The following TXNRD3 variants were observed in gnomAD, a reference collection of about 807,000 sequenced individuals.
TXNRD3 encodes thioredoxin reductase 3, also known as TXNRD3 neighbor gene protein.
Under a neutral mutation model 78.2 loss-of-function variants are expected in TXNRD3, and 68 were observed. The observed-to-expected ratio is 0.87, with a 90% CI of 0.72 to 1.06. The LOEUF (loss-of-function observed/expected upper bound fraction) is 1.06. Among genes scored for constraint, TXNRD3 ranks in the 50% least tolerant of loss-of-function variants. The probability of loss-of-function intolerance (pLI) is 0.00; values close to 1 mark genes in which losing one functional copy is unlikely to be tolerated. For missense variants in TXNRD3, 751 were observed against 809.5 expected, an observed-to-expected ratio of 0.93 and a Z score of 0.88; for synonymous variants, 296 against 300.1, an observed-to-expected ratio of 0.99 and a Z score of 0.14.
In TXNRD3 at chr3:126,644,307, G is replaced by GA. The variant is rs767985977; in HGVS notation, c.508dup (p.Ser170PhefsTer42). ...TTTCTATATTCATACCTTCGCACAT[G>GA]AAAGGCCTCCAGAACCACCACCGAT... On this transcript the variant is annotated frameshift_variant, in exon 4 of 16. Transcript: ENST00000524230. LOFTEE classifies it high-confidence loss of function. The GA allele has an allele frequency of 6.4e-5, 98 of 1,536,108 alleles. No individual in the cohort carries two copies. The highest frequency in any genetic ancestry group is 1.1e-5 in the Non-Finnish European group (13 of 1,146,858).
chr3:126,629,690 T>G (rs888290747), intron 9 of TXNRD3, among the ~76,000 whole-genome samples: 3 of 152,150 alleles, frequency 2.0e-5, no homozygotes, highest in African/African-American at 7.2e-5. Flanking sequence ...TAGTTGAGAT[T>G]GGAGGGAGCA....
intron 1 of TXNRD3, among the ~76,000 whole-genome samples, chr3:126,651,610 T>C (rs1298890808): frequency 6.6e-6 from 1 of 152,216 alleles, no homozygotes; most frequent in Non-Finnish European, 1.5e-5. Flanking sequence ...GATCTCTTGG[T>C]GTTTATGCAA....
intron 1 of TXNRD3, among the ~76,000 whole-genome samples, chr3:126,649,319 T>G (rs1177795129): frequency 1.3e-5 from 2 of 152,238 alleles, no homozygotes; most frequent in Non-Finnish European, 2.9e-5. Context: ...AGGATAAGCA[T>G]TATTTTTAAA....
chr3:126,654,657 G>C, intron 1 of TXNRD3, 91 bp downstream of exon 1: 1 of 823,134 alleles, frequency 1.2e-6, no homozygotes, highest in Non-Finnish European at 1.6e-6. Context: ...CGGGACCCGC[G>C]GGCGCCCCGG....
intron 6 of TXNRD3, among the ~76,000 whole-genome samples, chr3:126,640,710 T>C (rs1933055220): frequency 6.6e-6 from 1 of 152,164 alleles, no homozygotes; most frequent in African/African-American, 2.4e-5. Context: ...ATCTGGTCAA[T>C]TTTATGCCTT....
intron 1 of TXNRD3, among the ~76,000 whole-genome samples, chr3:126,648,978 G>A (rs186624605): frequency 1.3e-5 from 2 of 152,248 alleles, no homozygotes; most frequent in East Asian, 3.9e-4. Context: ...AATAGCCACG[G>A]CACTCCAGCC....
chr3:126,638,235 G>A (rs536312231), intron 6 of TXNRD3, among the ~76,000 whole-genome samples: 1 of 152,116 alleles, frequency 6.6e-6, no homozygotes, highest in African/African-American at 2.4e-5. Context: ...GAGCCACCAC[G>A]TCCAGCCTAG....
chr3:126,618,209 T>C (rs1409495566), intron 12 of TXNRD3, among the ~76,000 whole-genome samples: 2 of 152,160 alleles, frequency 1.3e-5, no homozygotes, highest in African/African-American at 4.8e-5. Flanking sequence ...TTCACAGTAG[T>C]AGAAAAAACA....
Position 126,608,516 on chromosome 3 carries a change from G to A in TXNRD3, c.1846C>T (p.His616Tyr). The A allele has an allele frequency of 6.5e-7, 1 of 1,534,764 alleles. No individual in the cohort carries two copies. Among genetic ancestry groups the A allele is most frequent in the Non-Finnish European group, 8.7e-7 (1 of 1,146,488 alleles). ...TTTCCTACCTCCCCACATGTGGGGT[G>A]AATTCCAATGGTGTCATCAAGTAGC... Residue 616 changes from histidine (H) to tyrosine (Y), a missense_variant, in exon 15 of 16, where the codon CAC (histidine) becomes TAC (tyrosine). Transcript: ENST00000524230.
rs1308241445 is a variant in TXNRD3, at chr3:126,608,577, T to A, written c.1785A>T (p.Gly595=). 1 of 1,536,028 alleles carries A rather than the reference T, an allele frequency of 6.5e-7. No homozygotes were observed. The highest frequency in any genetic ancestry group is 2.4e-5 in the East Asian group (1 of 40,892). The change falls in exon 15 of 16, where the codon GGA becomes GGT. Residue 595 remains glycine, a synonymous_variant. Coordinates refer to ENST00000524230, the MANE Select transcript of TXNRD3 (RefSeq NM_052883.3). ...GCCCACATTTCATTGCAGCTGCAAATCCTTGGGTAACCTCACCGGCGTTTG... is the reference window on the plus strand; with the variant it reads ...GCCCACATTTCATTGCAGCTGCAAAACCTTGGGTAACCTCACCGGCGTTTG...
At chr3:126,620,167 C>T (rs572567862) in intron 12 of TXNRD3, among the ~76,000 whole-genome samples, 2 of 151,926 alleles carry the variant, frequency 1.3e-5, no homozygotes, top group South Asian at 2.1e-4. Context: ...TGGTGGCAGG[C>T]GCCTGTAGTC....
intron 3 of TXNRD3, 150 bp downstream of exon 3, chr3:126,645,961 G>T (rs1576296660): frequency 1.7e-6 from 1 of 586,962 alleles, no homozygotes; most frequent in Non-Finnish European, 2.7e-6. Flanking sequence ...TTCCCTTAAA[G>T]CAATCAGTAT....
At chr3:126,620,315 A>AC (rs1938420644) in intron 12 of TXNRD3, among the ~76,000 whole-genome samples, 2 of 145,328 alleles carry the variant, frequency 1.4e-5, no homozygotes, top group African/African-American at 4.9e-5. Flanking sequence ...AAAAAAAAAA[A>AC]ATCACACACA....
chr3:126,654,746 A>C lies in TXNRD3; in HGVS notation c.243+2T>G. ...GGTGGAACCGGCGAGGGCCGCGCCT[A>C]CCCGAGTACTATGGGGACAGTAGCT... On this transcript the variant is annotated splice_donor_variant, in intron 1 of 15. Coordinates refer to ENST00000524230, the MANE Select transcript of TXNRD3 (RefSeq NM_052883.3). LOFTEE classifies it high-confidence loss of function. The C allele has an allele frequency of 2.2e-6, 3 of 1,344,156 alleles. No individual in the cohort carries two copies. The highest frequency in any genetic ancestry group is 2.9e-6 in the Non-Finnish European group (3 of 1,047,108). The allele number at this position is 1,344,156 out of a possible 1,614,324, so 83.3% of individuals were successfully genotyped here. A position where few individuals can be genotyped will look rare whatever the true frequency, so the allele number is the denominator to read the frequency against.
chr3:126,638,392 C>T lies in TXNRD3; in HGVS notation c.712+3640G>A, dbSNP rs147097826. On this transcript the variant is annotated intron_variant, in intron 6 of 15. Transcript: ENST00000524230. ...TTTATTGAGTCTATACCTAAATACA[C>T]CATGTGTTGGCTAGCTAAGTATTTC... Among the ~76,000 whole-genome samples the T allele has an allele frequency of 4.1e-3, 618 of 152,230 alleles. 5 individuals are homozygous for T. Among genetic ancestry groups the T allele is most frequent in the African/African-American group, 0.014 (595 of 41,536 alleles).
intron 10 of TXNRD3, among the ~76,000 whole-genome samples, chr3:126,623,149 A>G (rs1938496630): frequency 6.6e-6 from 1 of 152,234 alleles, no homozygotes; most frequent in Non-Finnish European, 1.5e-5. Context: ...GTATTTTGCT[A>G]TGGCAGCCCT....
intron 6 of TXNRD3, among the ~76,000 whole-genome samples, chr3:126,637,992 G>A (rs868391554): frequency 3.2e-4 from 40 of 123,816 alleles, no homozygotes; most frequent in African/African-American, 1.2e-3. Flanking sequence ...CGCCCAGGCT[G>A]GAGAGCAGTG....
At position 126,622,508 on chromosome 3, in the gene TXNRD3, T is replaced by C; in HGVS notation, c.1323A>G (p.Thr441=). ...CAATCTTCTCCAAGCCTATTTTCCT[T>C]GTACAGGAGTCACGACCAATAGCTA... Residue 441 remains threonine, a synonymous_variant, in exon 11 of 16, where the codon ACA becomes ACG. Coordinates refer to ENST00000524230, the MANE Select transcript of TXNRD3 (RefSeq NM_052883.3). The C allele has an allele frequency of 6.5e-7, 1 of 1,535,280 alleles. No homozygotes were observed. Among genetic ancestry groups the C allele is most frequent in the Non-Finnish European group, 8.7e-7 (1 of 1,146,712 alleles).
intron 5 of TXNRD3, 101 bp downstream of exon 5, chr3:126,643,880 G>C: frequency 8.9e-7 from 1 of 1,122,914 alleles, no homozygotes; most frequent in African/African-American, 1.6e-5. Flanking sequence ...AGAAACAGGC[G>C]AGTTATACCT....
Sources: gnomAD v4.1 joint callset for allele counts (sites outside exome capture counted in the v4.1 genomes callset) on GRCh38, gnomAD v4.1.1 for gene constraint, MANE v1.5 for transcripts, NCBI Gene and HGNC (gene_info 2026-07-23, HGNC 2026-07-21) for gene names.